The following C7 variants were observed in gnomAD, a reference collection of about 807,000 sequenced individuals.
C7 encodes complement component C7.
C7 carries 83 observed loss-of-function variants against 104.8 expected under a neutral mutation model. That is an observed-to-expected ratio of 0.79 (90% CI 0.66 to 0.95). The LOEUF is 0.95. Among genes scored for constraint, C7 ranks in the 40% least tolerant of loss-of-function variants. The pLI is 0.00. For synonymous variants in C7, 415 were observed against 360.6 expected (o/e 1.15, Z -1.71); for missense variants, 1,070 against 1,011.2 (o/e 1.06, Z -0.79).
At chr5:40,960,941 T>C (rs936415673) in intron 12 of C7, among the ~76,000 whole-genome samples, 1 of 152,140 alleles carries the variant, frequency 6.6e-6, no homozygotes, top group Non-Finnish European at 1.5e-5. Flanking sequence ...TGGTAAAGTG[T>C]CAGGATTGGC....
At chr5:40,969,141 A>G (rs1162464405) in intron 14 of C7, among the ~76,000 whole-genome samples, 3 of 152,060 alleles carry the variant, frequency 2.0e-5, no homozygotes, top group South Asian at 2.1e-4. Context: ...TTACATTATT[A>G]TATTTAAAAA....
intron 3 of C7, among the ~76,000 whole-genome samples, chr5:40,932,480 TA>T (rs1296033037): frequency 3.3e-5 from 5 of 152,166 alleles, no homozygotes; most frequent in Admixed American, 2.6e-4. Context: ...AAATTATATT[TA>T]AAAATCACTT....
Position 40,981,463 on chromosome 5 carries a change from G to A in C7, c.2422G>A (p.Val808Met), listed in dbSNP as rs371867672. 5.6e-6 allele frequency: 9 copies of A among 1,613,680 alleles called. No individual in the cohort carries two copies. Among genetic ancestry groups the A allele is most frequent in the Non-Finnish European group, 6.8e-6 (8 of 1,179,812 alleles). Residue 808 changes from valine (V) to methionine (M), a missense_variant, in exon 18 of 18, where the codon GTG becomes ATG. Physicochemically the swap from Val to Met is conservative, Grantham distance 21. Transcript: ENST00000313164. The stretch of plus-strand genomic sequence containing the variant: ...AGAAGGGTTTAGCATTTGTGTGGAA[G>A]TGAACGGCAAGGAGCAGACGATGTC... ...EEEGFSICVE[V>M]NGKEQTMSEC...
rs1740962345 is a variant in C7 at position 40,982,138 on chromosome 5, C to T, written c.*565C>T. On this transcript the variant is annotated 3_prime_UTR_variant, in exon 18 of 18. Coordinates refer to ENST00000313164, the MANE Select transcript of C7 (RefSeq NM_000587.4). ...GAGTCAACCACCACAGATAGGAATT[C>T]CTTATTCTTTTTTTAATTTTTTTAA... 2 of 152,106 alleles carry T rather than the reference C, an allele frequency of 1.3e-5. No individual in the cohort carries two copies. The highest frequency in any genetic ancestry group is 4.2e-4 in the South Asian group (2 of 4,802). The allele number at this position is 152,106 out of a possible 1,614,324, so 9.4% of individuals were successfully genotyped here.
chr5:40,918,706 C>G (rs1739377099), intron 1 of C7, among the ~76,000 whole-genome samples: 1 of 149,942 alleles, frequency 6.7e-6, no homozygotes, highest in African/African-American at 2.5e-5. Flanking sequence ...AAAGTAAGGA[C>G]ATTATATGAT....
At chr5:40,952,409 G>T (rs1244916637) in intron 9 of C7, among the ~76,000 whole-genome samples, 2 of 152,124 alleles carry the variant, frequency 1.3e-5, no homozygotes, top group African/African-American at 2.4e-5. Context: ...GGAACAGAGA[G>T]CTCACTGGGG....
intron 14 of C7, among the ~76,000 whole-genome samples, chr5:40,970,791 A>T (rs531439523): frequency 6.6e-6 from 1 of 151,884 alleles, no homozygotes; most frequent in Non-Finnish European, 1.5e-5. Flanking sequence ...ACAGTGTGTG[A>T]TGTTCCACTC....
At chr5:40,979,150 G>T (rs1187013691) in intron 16 of C7, among the ~76,000 whole-genome samples, 1 of 152,004 alleles carries the variant, frequency 6.6e-6, no homozygotes, top group Non-Finnish European at 1.5e-5. Flanking sequence ...AAAGCACTGG[G>T]ATTACAGGCT....
chr5:40,924,848 C>A (rs894458231), intron 1 of C7, among the ~76,000 whole-genome samples: 1 of 152,224 alleles, frequency 6.6e-6, no homozygotes, highest in African/African-American at 2.4e-5. Context: ...TGTCTTAAGG[C>A]TGTGCAGGGC....
At chr5:40,958,005 A>C (rs1740331096) in intron 10 of C7, 28 bp from the exon 11 acceptor site, 1 of 1,500,656 alleles carries the variant, frequency 6.7e-7, no homozygotes, top group Admixed American at 1.9e-5. Context: ...ATCCCTGATT[A>C]CTGACTATAA....
At position 40,958,271 on chromosome 5, in the gene C7, G is replaced by C; in HGVS notation, c.1489+10G>C. 1.3e-6 allele frequency: 2 copies of C among 1,562,418 alleles called. No homozygotes were observed. Among genetic ancestry groups the C allele is most frequent in the Non-Finnish European group, 1.7e-6 (2 of 1,149,822 alleles). ...GTAGGGAATCAAGCAGGTCAGTGGG[G>C]TGAATTTTCTCTAGCCACCCTGTAC... On this transcript the variant is annotated intron_variant, in intron 11 of 17. Transcript: ENST00000313164.
chr5:40,960,770 G>A (rs1267471187), intron 12 of C7, among the ~76,000 whole-genome samples: 1 of 152,096 alleles, frequency 6.6e-6, no homozygotes, highest in Non-Finnish European at 1.5e-5. Context: ...ACACTCCCAG[G>A]CTATTTGTAC....
rs56945537 is a variant in C7, at chr5:40,945,754, C to T, written c.738+386C>T. Among the ~76,000 whole-genome samples, 1,470 of 151,418 alleles carry T rather than the reference C, an allele frequency of 9.7e-3. 24 individuals are homozygous for T. Among genetic ancestry groups the T allele is most frequent in the African/African-American group, 0.034 (1,420 of 41,332 alleles). ...TGGTGCATGCCTATAGTCCCAGCTA[C>T]TTAGGAGGCTAAGGTGGAAGGATCA... is the stretch of plus-strand genomic sequence containing the variant. On this transcript the variant is annotated intron_variant, in intron 7 of 17. Transcript: ENST00000313164.
At position 40,952,643 on chromosome 5, in the gene C7, C is replaced by A. The variant is rs988415882; in HGVS notation, c.1093+2629C>A. Among the ~76,000 whole-genome samples, 7 of 152,070 alleles carry A rather than the reference C, an allele frequency of 4.6e-5. No homozygotes were observed. The East Asian group carries it at 7.7e-4, about 17-fold the overall frequency. On this transcript the variant is annotated intron_variant, in intron 9 of 17. Transcript: ENST00000313164. ...ATATCTCCTAATGCTATCCCTCCCCCCTCTCCCCACCCCACTACAGGCCCC... is the reference window on the plus strand; with the variant it reads ...ATATCTCCTAATGCTATCCCTCCCCACTCTCCCCACCCCACTACAGGCCCC...
intron 11 of C7, 26 bp downstream of exon 11, chr5:40,958,287 C>G (rs771713655): frequency 1.4e-6 from 2 of 1,396,640 alleles, no homozygotes; most frequent in East Asian, 2.3e-5. Context: ...TTTCTCTAGC[C>G]ACCCTGTACA....
intron 14 of C7, among the ~76,000 whole-genome samples, chr5:40,966,646 G>C (rs915333196): frequency 6.6e-6 from 1 of 151,968 alleles, no homozygotes; most frequent in Non-Finnish European, 1.5e-5. Context: ...CAAAGTGCTG[G>C]GATTACAGGC....
intron 15 of C7, among the ~76,000 whole-genome samples, chr5:40,974,083 C>T (rs1267707576): frequency 7.9e-6 from 1 of 126,272 alleles, no homozygotes; most frequent in African/African-American, 3.4e-5. Flanking sequence ...ATAACATTTA[C>T]CATTTTATCC....
At chr5:40,976,651 G>A in intron 15 of C7, 99 bp from the exon 16 acceptor site, 1 of 686,388 alleles carries the variant, frequency 1.5e-6, no homozygotes, top group Non-Finnish European at 2.5e-6. Context: ...ATTGCAGTTG[G>A]AGAATACTAC....
rs1193972186 is a variant in C7, at chr5:40,982,032, C to T, written c.*459C>T. On this transcript the variant is annotated 3_prime_UTR_variant, in exon 18 of 18. Coordinates refer to ENST00000313164, the MANE Select transcript of C7 (RefSeq NM_000587.4). ...AGAGGGTGGTTTTCCTCAATGGAAC[C>T]AAATATAAAGAGGACTTGAACAAAA... is the stretch of plus-strand genomic sequence containing the variant. 6.5e-6 allele frequency: 1 copy of T among 153,152 alleles called. No individual in the cohort carries two copies. Among genetic ancestry groups the T allele is most frequent in the African/African-American group, 2.4e-5 (1 of 41,442 alleles). The allele number at this position is 153,152 out of a possible 1,614,324, so 9.5% of individuals were successfully genotyped here. A position where few individuals can be genotyped will look rare whatever the true frequency, so the allele number is the denominator to read the frequency against.
Sources: allele counts gnomAD v4.1 joint callset (sites outside exome capture counted in the v4.1 genomes callset), GRCh38; gene constraint gnomAD v4.1.1; transcripts MANE v1.5; gene names NCBI Gene and HGNC (gene_info 2026-07-23, HGNC 2026-07-21).